The following RERE variants were observed in gnomAD, a reference collection of about 807,000 sequenced individuals.
RERE encodes the protein arginine-glutamic acid dipeptide repeats protein.
Under a neutral mutation model 146.1 loss-of-function variants are expected in RERE, and 40 were observed. The ratio of observed to expected loss-of-function variants is 0.27; its 90% confidence interval spans 0.21 to 0.36. The LOEUF (loss-of-function observed/expected upper bound fraction) is 0.36. Ranked by LOEUF, RERE falls within the 10% of genes least tolerant of loss-of-function variation. The pLI is 1.00. For synonymous variants in RERE, 1,003 were observed against 866.0 expected (o/e 1.16, Z -2.78); for missense variants, 1,933 against 2,138.7 (o/e 0.90, Z 1.90).
chr1:8,608,026 T>C (rs978420436), intron 4 of RERE, among the ~76,000 whole-genome samples: 1 of 151,722 alleles, frequency 6.6e-6, no homozygotes, highest in African/African-American at 2.4e-5. Flanking sequence ...ACACCCAGCC[T>C]AACGTTTTTG....
intron 1 of RERE, among the ~76,000 whole-genome samples, chr1:8,774,631 G>A (rs1477162604): frequency 6.6e-6 from 1 of 151,962 alleles, no homozygotes; most frequent in Non-Finnish European, 1.5e-5. Context: ...TGGGACTACA[G>A]GCATGAGTCA....
At chr1:8,804,953 A>G (rs1416849002) in intron 1 of RERE, among the ~76,000 whole-genome samples, 1 of 148,624 alleles carries the variant, frequency 6.7e-6, no homozygotes, top group African/African-American at 2.5e-5. Flanking sequence ...AAAGAGTACT[A>G]TATTTATTAA....
At chr1:8,416,806 G>A (rs1643787187) in intron 12 of RERE, among the ~76,000 whole-genome samples, 1 of 152,148 alleles carries the variant, frequency 6.6e-6, no homozygotes, top group Non-Finnish European at 1.5e-5. Flanking sequence ...CTGCATTACT[G>A]TAAATAGCGG....
chr1:8,699,383 A>G (rs934021630), intron 1 of RERE, among the ~76,000 whole-genome samples: 2 of 152,238 alleles, frequency 1.3e-5, no homozygotes, highest in Non-Finnish European at 2.9e-5. Flanking sequence ...GAATTACACC[A>G]GAGTTCAATG....
chr1:8,783,120 G>C (rs1641195597), intron 1 of RERE, among the ~76,000 whole-genome samples: 2 of 152,122 alleles, frequency 1.3e-5, no homozygotes, highest in African/African-American at 2.4e-5. Context: ...GATCATGTGA[G>C]CCCAGGAGTT....
At chr1:8,722,722 A>G (rs1370837197) in intron 1 of RERE, among the ~76,000 whole-genome samples, 3 of 152,344 alleles carry the variant, frequency 2.0e-5, no homozygotes, top group Middle Eastern at 3.4e-3. Flanking sequence ...ACTGAATACT[A>G]TAAGTAATCT....
At chr1:8,387,812 A>G (rs952319066) in intron 12 of RERE, among the ~76,000 whole-genome samples, 2 of 152,230 alleles carry the variant, frequency 1.3e-5, no homozygotes, top group Admixed American at 6.5e-5. Context: ...ATGTGAAGTT[A>G]CTGGAATTCT....
intron 1 of RERE, among the ~76,000 whole-genome samples, chr1:8,755,138 A>G (rs1640610183): frequency 1.3e-5 from 2 of 152,262 alleles, no homozygotes; most frequent in African/African-American, 4.8e-5. Context: ...GGGAAACAGC[A>G]GCTAGCAGTG....
intron 3 of RERE, among the ~76,000 whole-genome samples, chr1:8,616,604 T>C (rs1468375318): frequency 1.3e-5 from 2 of 152,064 alleles, no homozygotes; most frequent in Non-Finnish European, 2.9e-5. Context: ...ATTTCACATA[T>C]AGATAACAAT....
rs115188704 is a variant in RERE at position 8,393,963 on chromosome 1, C to T, written c.1285-27989G>A. Among the ~76,000 whole-genome samples, 1,338 of 152,074 alleles carry T rather than the reference C, an allele frequency of 8.8e-3. 18 individuals are homozygous for T. Among genetic ancestry groups the T allele is most frequent in the African/African-American group, 0.031 (1,276 of 41,436 alleles). ...AAGGCCCACGATTTTGCCATGAAGGCTGGCCACCTCCAATCTCCACCTGGG... is the reference window on the plus strand; with the variant it reads ...AAGGCCCACGATTTTGCCATGAAGGTTGGCCACCTCCAATCTCCACCTGGG... On this transcript the variant is annotated intron_variant, in intron 12 of 22. Transcript: ENST00000400908.
chr1:8,490,384 T>C (rs1022645496), intron 10 of RERE, among the ~76,000 whole-genome samples: 7 of 149,434 alleles, frequency 4.7e-5, no homozygotes, highest in Non-Finnish European at 8.8e-5. Flanking sequence ...AGAAACCTGT[T>C]TGACAGTTTC....
At chr1:8,589,515 T>G (rs1157357941) in intron 4 of RERE, among the ~76,000 whole-genome samples, 1 of 152,176 alleles carries the variant, frequency 6.6e-6, no homozygotes, top group African/African-American at 2.4e-5. Context: ...TTCCAAGTAT[T>G]TACTCACATT....
intron 11 of RERE, among the ~76,000 whole-genome samples, chr1:8,460,027 T>A (rs1644505505): frequency 6.6e-6 from 1 of 152,202 alleles, no homozygotes; most frequent in Non-Finnish European, 1.5e-5. Flanking sequence ...CTACAAGCTC[T>A]GAGAGCCTCT....
At chr1:8,641,184 A>G (rs1466393826) in intron 2 of RERE, among the ~76,000 whole-genome samples, 1 of 152,222 alleles carries the variant, frequency 6.6e-6, no homozygotes, top group Non-Finnish European at 1.5e-5. Context: ...AAAGAGCCAA[A>G]TTCCTGCATT....
At chr1:8,567,862 C>T (rs1175820498) in intron 4 of RERE, among the ~76,000 whole-genome samples, 3 of 152,178 alleles carry the variant, frequency 2.0e-5, no homozygotes, top group Non-Finnish European at 2.9e-5. Flanking sequence ...GTCAAGGGGA[C>T]TTAGCAGATA....
chr1:8,435,950 G>C (rs914569165), intron 11 of RERE, among the ~76,000 whole-genome samples: 4 of 152,256 alleles, frequency 2.6e-5, no homozygotes, highest in African/African-American at 9.6e-5. Context: ...TTAAGCAGCA[G>C]CATTAACAGA....
At chr1:8,462,164 A>T (rs1644535981) in intron 11 of RERE, among the ~76,000 whole-genome samples, 1 of 152,224 alleles carries the variant, frequency 6.6e-6, no homozygotes, top group Admixed American at 6.5e-5. Context: ...AAGTTTTAAA[A>T]TGCTGGATTG....
Position 8,466,163 on chromosome 1 carries a change from G to A in RERE, c.1105-140C>T, listed in dbSNP as rs1006965733. 9.0e-5 allele frequency: 61 copies of A among 681,428 alleles called. 1 individual carries two copies. Among genetic ancestry groups the A allele is most frequent in the Non-Finnish European group, 1.3e-4 (55 of 414,832 alleles). 42.2% of individuals were successfully genotyped at this position (681,428 alleles called of 1,614,324 possible). A position where few individuals can be genotyped will look rare whatever the true frequency, so the allele number is the denominator to read the frequency against. Reference sequence around the variant, plus strand: ...CTGAGACTCCATCATTTCAGTAGGCGCAGGAATTTGTTCTCATCCAAGACC... The same window carrying A: ...CTGAGACTCCATCATTTCAGTAGGCACAGGAATTTGTTCTCATCCAAGACC... On this transcript the variant is annotated intron_variant, in intron 10 of 22. Transcript: ENST00000400908.
intron 4 of RERE, among the ~76,000 whole-genome samples, chr1:8,607,589 A>G (rs1201187041): frequency 4.5e-5 from 5 of 110,346 alleles, no homozygotes; most frequent in Non-Finnish European, 8.3e-5. Flanking sequence ...TCTGTCGTCG[A>G]GGCTGCAGTG....
Sources: gnomAD v4.1 joint callset for allele counts (sites outside exome capture counted in the v4.1 genomes callset) on GRCh38, gnomAD v4.1.1 for gene constraint, MANE v1.5 for transcripts, NCBI Gene and HGNC (gene_info 2026-07-23, HGNC 2026-07-21) for gene names.